RALY: variants seen among roughly 807,000 people sequenced by gnomAD.
The protein encoded by RALY is RNA-binding protein Raly.
A neutral mutation model predicts 30.7 loss-of-function variants in RALY; 15 were observed. The ratio of observed to expected loss-of-function variants is 0.49; its 90% CI spans 0.33 to 0.75. The LOEUF (loss-of-function observed/expected upper bound fraction) is 0.75. Ranked by LOEUF, RALY falls within the 30% of genes least tolerant of loss-of-function variation. The probability of loss-of-function intolerance (pLI) is 0.02; values close to 1 mark genes in which losing one functional copy is unlikely to be tolerated. For synonymous variants in RALY, 177 were observed against 170.8 expected (o/e 1.04, Z -0.28); for missense variants, 339 against 414.3 (o/e 0.82, Z 1.58).
rs1275595424 is a variant in RALY at position 34,077,259 on chromosome 20, C to T, written c.876+14C>T. The T allele has an allele frequency of 6.2e-7, 1 of 1,613,372 alleles. No homozygotes were observed. On this transcript the variant is annotated intron_variant, in intron 8 of 9. Coordinates refer to ENST00000246194, the MANE Select transcript of RALY (RefSeq NM_016732.3). ...GAGGAAGAGCTGGTGAGGGCCTGGC[C>T]AGGGGCACGACTGGGACTCGACTGT... is the stretch of plus-strand genomic sequence containing the variant.
chr20:34,040,430 A>G (rs145770898), intron 2 of RALY, among the ~76,000 whole-genome samples: 97 of 152,312 alleles, frequency 6.4e-4, no homozygotes, highest in African/African-American at 2.3e-3. Flanking sequence ...CAAGCGCTCC[A>G]TAAGCACTCC....
At position 34,082,669 on chromosome 20, in the gene RALY, AAGCCCCTGGATGCTCC is replaced by A. The variant is rs2034048589; in HGVS notation, c.*2774_*2789del. 6.6e-6 allele frequency: 1 copy of A among 152,272 alleles called. No individual in the cohort carries two copies. Among genetic ancestry groups the A allele is most frequent in the Non-Finnish European group, 1.5e-5 (1 of 68,126 alleles). 9.4% of individuals were successfully genotyped at this position (152,272 alleles called of 1,614,324 possible). A position where few individuals can be genotyped will look rare whatever the true frequency, so the allele number is the denominator to read the frequency against. Reference sequence around the variant, plus strand: ...AGAGTCCCATCCTGGAACTCCAGAAAAGCCCCTGGATGCTCCAGCCCCTGGGAAAGCACACAGCCAG... The same window carrying A: ...AGAGTCCCATCCTGGAACTCCAGAAAAGCCCCTGGGAAAGCACACAGCCAG... On this transcript the variant is annotated 3_prime_UTR_variant, in exon 10 of 10. Coordinates refer to ENST00000246194, the MANE Select transcript of RALY (RefSeq NM_016732.3).
chr20:34,074,244 G>A (rs1373267448), intron 5 of RALY, among the ~76,000 whole-genome samples: 2 of 152,150 alleles, frequency 1.3e-5, no homozygotes, highest in African/African-American at 4.8e-5. Flanking sequence ...GCTGGTAGGA[G>A]CCCCAGAGCT....
chr20:34,019,342 A>AG (rs921208816), intron 1 of RALY, among the ~76,000 whole-genome samples: 1 of 151,736 alleles, frequency 6.6e-6, no homozygotes. Flanking sequence ...AAAAAAAAAA[A>AG]GGATCCTTCT....
chr20:34,008,322 C>T (rs774345111), intron 1 of RALY, among the ~76,000 whole-genome samples: 13 of 152,104 alleles, frequency 8.5e-5, no homozygotes, highest in Non-Finnish European at 1.9e-4. Flanking sequence ...TGGAATGAAG[C>T]ATGGGGAATG....
chr20:34,013,001 A>G (rs2031467955), intron 1 of RALY, among the ~76,000 whole-genome samples: 1 of 152,226 alleles, frequency 6.6e-6, no homozygotes, highest in Admixed American at 6.5e-5. Context: ...TGGACTACTC[A>G]TACAGCTAGT....
At chr20:34,063,921 C>T (rs897807045) in intron 2 of RALY, among the ~76,000 whole-genome samples, 5 of 151,960 alleles carry the variant, frequency 3.3e-5, no homozygotes, top group South Asian at 2.1e-4. Context: ...TCTCAGGGCA[C>T]GTGTGCCTTG....
chr20:34,001,783 T>C (rs907583915), intron 1 of RALY, among the ~76,000 whole-genome samples: 2 of 152,212 alleles, frequency 1.3e-5, no homozygotes, highest in African/African-American at 2.4e-5. Flanking sequence ...TCCTTTTTTT[T>C]TGAGACGGAG....
At position 34,076,684 on chromosome 20, in the gene RALY, T is replaced by TC. The variant is rs547041024; in HGVS notation, c.545-12dup. On this transcript the variant is annotated splice_polypyrimidine_tract_variant and intron_variant, in intron 6 of 9. Coordinates refer to ENST00000246194, the MANE Select transcript of RALY (RefSeq NM_016732.3). ...TCCAGCCCCCTAGGTGACAGCCCTG[T>TC]CCCCCCTCCACTCCCAGTAAAGAGC... 26 of 1,610,174 alleles carry TC rather than the reference T, an allele frequency of 1.6e-5. No individual in the cohort carries two copies. The African/African-American group carries it at 2.9e-4, about 18-fold the overall frequency.
chr20:34,061,905 T>G (rs2033428292), intron 2 of RALY, among the ~76,000 whole-genome samples: 1 of 152,224 alleles, frequency 6.6e-6, no homozygotes, highest in Non-Finnish European at 1.5e-5. Flanking sequence ...GTACTTTCTC[T>G]GTATCACTAA....
chr20:34,035,495 C>A (rs2032461148), intron 2 of RALY, among the ~76,000 whole-genome samples: 1 of 151,898 alleles, frequency 6.6e-6, no homozygotes, highest in African/African-American at 2.4e-5. Context: ...AAGCTTAGAA[C>A]CCAGAAGAAT....
chr20:34,055,152 G>C (rs2033202541), intron 2 of RALY, among the ~76,000 whole-genome samples: 2 of 152,068 alleles, frequency 1.3e-5, no homozygotes, highest in South Asian at 4.1e-4. Flanking sequence ...TGAACCCCAG[G>C]TAGTCTGATT....
intron 2 of RALY, among the ~76,000 whole-genome samples, chr20:34,056,145 G>A (rs1479213981): frequency 2.0e-5 from 3 of 152,050 alleles, no homozygotes; most frequent in Non-Finnish European, 2.9e-5. Context: ...TAGTATCATC[G>A]GCATCATTTC....
At chr20:34,037,650 G>A (rs745342687) in intron 2 of RALY, among the ~76,000 whole-genome samples, 3 of 152,170 alleles carry the variant, frequency 2.0e-5, no homozygotes, top group Non-Finnish European at 4.4e-5. Context: ...TCTACCCAGC[G>A]TACTGTGTAA....
intron 2 of RALY, among the ~76,000 whole-genome samples, chr20:34,062,803 C>G (rs1248787068): frequency 3.3e-5 from 5 of 152,230 alleles, no homozygotes; most frequent in African/African-American, 1.2e-4. Context: ...CAACCAACAG[C>G]AAGCAGTGAC....
intron 2 of RALY, among the ~76,000 whole-genome samples, chr20:34,049,613 A>G (rs1226134667): frequency 6.6e-6 from 1 of 152,188 alleles, no homozygotes; most frequent in African/African-American, 2.4e-5. Context: ...TAAACTGATG[A>G]GAAGACAGAC....
At chr20:34,060,370 C>T (rs531333464) in intron 2 of RALY, among the ~76,000 whole-genome samples, 2 of 152,340 alleles carry the variant, frequency 1.3e-5, no homozygotes, top group East Asian at 3.9e-4. Flanking sequence ...TAGGGATGCT[C>T]AGCCAGTTAA....
intron 1 of RALY, among the ~76,000 whole-genome samples, chr20:34,009,330 C>T (rs2031298207): frequency 1.3e-5 from 2 of 152,158 alleles, no homozygotes; most frequent in South Asian, 4.2e-4. Context: ...CCTCTGCCTC[C>T]CGGGTTCAAG....
At chr20:34,006,086 A>C (rs1383844108) in intron 1 of RALY, among the ~76,000 whole-genome samples, 1 of 152,254 alleles carries the variant, frequency 6.6e-6, no homozygotes, top group Non-Finnish European at 1.5e-5. Flanking sequence ...CACGCTGCTG[A>C]TATGATAGAT....
Sources: gnomAD v4.1 joint callset for allele counts (sites outside exome capture counted in the v4.1 genomes callset) on GRCh38, gnomAD v4.1.1 for gene constraint, MANE v1.5 for transcripts, NCBI Gene and HGNC (gene_info 2026-07-23, HGNC 2026-07-21) for gene names.